The following ARHGAP32 variants were observed in gnomAD, a reference collection of about 807,000 sequenced individuals.
ARHGAP32 encodes rho GTPase-activating protein 32.
ARHGAP32 carries 51 observed loss-of-function variants against 186.5 expected under a neutral mutation model. The observed-to-expected ratio is 0.27, with a 90% CI of 0.22 to 0.35. ARHGAP32 has a LOEUF of 0.35. Among genes scored for constraint, ARHGAP32 ranks in the 10% least tolerant of loss-of-function variants. The pLI, the probability that ARHGAP32 is intolerant of heterozygous loss-of-function variation, is 1.00. For missense variants in ARHGAP32, 2,186 were observed against 2,623.5 expected, an observed-to-expected ratio of 0.83 and a Z score of 3.64; for synonymous variants, 950 against 964.3, an observed-to-expected ratio of 0.99 and a Z score of 0.27.
upstream of ARHGAP32, among the ~76,000 whole-genome samples, chr11:129,194,263 CAAGTAG>C (rs1181859999): frequency 6.6e-6 from 1 of 152,038 alleles, no homozygotes; most frequent in Non-Finnish European, 1.5e-5. Context: ...CTCACTTTCA[CAAGTAG>C]AAGTAAGAGG....
In ARHGAP32 at chr11:128,970,600, G is replaced by A. The variant is rs1945338829; in HGVS notation, c.4613C>T (p.Ser1538Leu). The A allele has an allele frequency of 6.2e-7, 1 of 1,614,064 alleles. No homozygotes were observed. The highest frequency in any genetic ancestry group is 1.7e-5 in the Admixed American group (1 of 60,000). The change falls in exon 23 of 23, where the codon TCA becomes TTA. Residue 1538 changes from serine to leucine, a missense_variant. Coordinates refer to ENST00000682385, the MANE Select transcript of ARHGAP32 (RefSeq NM_001378024.1). This position sits in a 1 kb window ranked among gnomAD's most constrained non-coding sequence, Gnocchi z 5.8. ...LEQHQVYGAR[S>L]EPPASMGLRY... ...AAGACCCATGGAGGCTGGTGGCTCT[G>A]ACCTGGCACCATACACTTGGTGCTG...
At chr11:129,203,599 C>T (rs1944481874) in intron 1 of ARHGAP32, among the ~76,000 whole-genome samples, 1 of 150,200 alleles carries the variant, frequency 6.7e-6, no homozygotes, top group Non-Finnish European at 1.5e-5. Flanking sequence ...AATTCTTAAA[C>T]ATAATGTTGA....
chr11:129,116,007 A>G (rs996861332), intron 5 of ARHGAP32, among the ~76,000 whole-genome samples: 9 of 152,088 alleles, frequency 5.9e-5, no homozygotes, highest in African/African-American at 1.4e-4. Flanking sequence ...GGTTGTCACC[A>G]TATCACTTTA....
In ARHGAP32 at chr11:129,080,010, G is replaced by A. The variant is rs116065343; in HGVS notation, c.532-13142C>T. ...AGAACAGTTTAAAAAGACAAAGAGCGACATTATATAATGATAAAAGGACTA... is the reference window on the plus strand; with the variant it reads ...AGAACAGTTTAAAAAGACAAAGAGCAACATTATATAATGATAAAAGGACTA... On this transcript the variant is annotated intron_variant, in intron 6 of 22. Coordinates refer to ENST00000682385, the MANE Select transcript of ARHGAP32 (RefSeq NM_001378024.1). Among the ~76,000 whole-genome samples, 658 of 152,218 alleles carry A rather than the reference G, an allele frequency of 4.3e-3. 6 individuals carry two copies. The highest frequency in any genetic ancestry group is 0.015 in the African/African-American group (632 of 41,552).
At chr11:129,056,568 C>T (rs1940261215) in intron 10 of ARHGAP32, among the ~76,000 whole-genome samples, 1 of 152,086 alleles carries the variant, frequency 6.6e-6, no homozygotes, top group Non-Finnish European at 1.5e-5. Flanking sequence ...ATATTAAAAT[C>T]ACAATACCAC....
At chr11:129,228,315 A>G (rs899960343) in intron 1 of ARHGAP32, among the ~76,000 whole-genome samples, 3 of 152,200 alleles carry the variant, frequency 2.0e-5, no homozygotes, top group Non-Finnish European at 4.4e-5. Context: ...AACTGGTAAA[A>G]GAACAAACTA....
Position 129,227,231 on chromosome 11 carries a change from T to C in ARHGAP32, c.-5+51915A>G, listed in dbSNP as rs78755735. ...TTAAATTTTCAATTGTTAATTATAA[T>C]CCCCAGGGCAACCACTAACAAAATA... On this transcript the variant is annotated intron_variant, in intron 1 of 6. Coordinates refer to the ARHGAP32 transcript ENST00000525234. 4.0e-3 allele frequency among the ~76,000 whole-genome samples: 607 copies of C among 151,840 alleles called. 4 individuals carry two copies. The highest frequency in any genetic ancestry group is 0.019 in the Admixed American group (283 of 15,238).
chr11:129,179,495 G>A (rs559165260), intron 1 of ARHGAP32, among the ~76,000 whole-genome samples: 21 of 151,988 alleles, frequency 1.4e-4, no homozygotes, highest in African/African-American at 3.9e-4. Context: ...ACATGCACAC[G>A]TATGTTTATT....
At chr11:129,105,084 A>C (rs1183875083) in intron 5 of ARHGAP32, among the ~76,000 whole-genome samples, 1 of 152,230 alleles carries the variant, frequency 6.6e-6, no homozygotes, top group African/African-American at 2.4e-5. Context: ...TATGGAACTC[A>C]TTCAAGGAGG....
intron 11 of ARHGAP32, among the ~76,000 whole-genome samples, chr11:129,027,752 GTTTA>G (rs1191658128): frequency 2.0e-5 from 3 of 151,976 alleles, no homozygotes; most frequent in Non-Finnish European, 4.4e-5. Flanking sequence ...CGTCTCTCAG[GTTTA>G]TTTCTCTTCA....
At chr11:129,107,068 G>A (rs953497857) in intron 5 of ARHGAP32, among the ~76,000 whole-genome samples, 1 of 152,076 alleles carries the variant, frequency 6.6e-6, no homozygotes, top group Non-Finnish European at 1.5e-5. Context: ...CAAAAAAGAA[G>A]CAACTGGTCA....
At position 128,970,385 on chromosome 11, in the gene ARHGAP32, A is replaced by G. The variant is rs1391815708; in HGVS notation, c.4828T>C (p.Ser1610Pro). The G allele has an allele frequency of 3.1e-6, 5 of 1,614,030 alleles. No homozygotes were observed. The highest frequency in any genetic ancestry group is 4.2e-6 in the Non-Finnish European group (5 of 1,180,034). Residue 1610 changes from serine (S) to proline (P), a missense_variant, in exon 23 of 23, where the codon TCT (serine) becomes CCT (proline). By Grantham distance (74) the Ser-to-Pro change is moderately conservative (BLOSUM62 -1). Coordinates refer to ENST00000682385, the MANE Select transcript of ARHGAP32 (RefSeq NM_001378024.1). The surrounding 1 kb of genome is among the most constrained non-coding windows in gnomAD (Gnocchi z 5.8). ...LHAPPSSMIR[S>P]VPISRTEVPP... is the part of the protein sequence containing the mutation. ...ACTTCTGTCCGTGAAATGGGAACAG[A>G]GCGAATCATGGAAGACGGCGGAGCA...
At position 128,970,800 on chromosome 11, in the gene ARHGAP32, T is replaced by C. The variant is rs146104675; in HGVS notation, c.4413A>G (p.Leu1471=). The C allele has an allele frequency of 5.6e-6, 9 of 1,613,994 alleles. No individual in the cohort carries two copies. The African/African-American group carries it at 9.3e-5, about 17-fold the overall frequency. Residue 1471 remains leucine, a synonymous_variant, in exon 23 of 23, where the codon TTA becomes TTG. Coordinates refer to ENST00000682385, the MANE Select transcript of ARHGAP32 (RefSeq NM_001378024.1). This position sits in a 1 kb window ranked among gnomAD's most constrained non-coding sequence, Gnocchi z 5.8. ...GCTTAGGTTGTGGGACAGGAAGTGG[T>C]AAAGGCAATGCATCGTCCACAGAGG... is the stretch of plus-strand genomic sequence containing the variant. The part of the protein sequence containing the change: ...SSTSVDDALP[L]PLPVPQPKHA...
chr11:128,999,290 C>G (rs1270123853), intron 11 of ARHGAP32, among the ~76,000 whole-genome samples: 1 of 152,138 alleles, frequency 6.6e-6, no homozygotes, highest in African/African-American at 2.4e-5. Context: ...TGCGGTGCCC[C>G]CAGGCTTACT....
chr11:129,150,665 C>G (rs975596403), intron 2 of ARHGAP32, among the ~76,000 whole-genome samples: 2 of 152,020 alleles, frequency 1.3e-5, no homozygotes, highest in Non-Finnish European at 2.9e-5. Flanking sequence ...ACAAAAAAAT[C>G]CTGAAGCAAT....
intron 2 of ARHGAP32, among the ~76,000 whole-genome samples, chr11:129,128,909 C>T (rs1198484681): frequency 6.6e-6 from 1 of 152,172 alleles, no homozygotes; most frequent in African/African-American, 2.4e-5. Flanking sequence ...GGCTGGAGTG[C>T]AGTGGCGTGA....
chr11:129,135,051 C>T (rs894499852), intron 2 of ARHGAP32, among the ~76,000 whole-genome samples: 5 of 152,136 alleles, frequency 3.3e-5, no homozygotes, highest in African/African-American at 1.2e-4. Flanking sequence ...AAATTAAAGA[C>T]AATCTAAATA....
intron 6 of ARHGAP32, among the ~76,000 whole-genome samples, chr11:129,085,776 G>A (rs1361519015): frequency 6.6e-6 from 1 of 152,060 alleles, no homozygotes; most frequent in Non-Finnish European, 1.5e-5. Context: ...GGCTGAGACG[G>A]GCAGCAGGAG....
At position 129,268,871 on chromosome 11, in the gene ARHGAP32, C is replaced by T. The variant is rs201642858; in HGVS notation, c.-5+10275G>A. ...TCCATTTCTAAAAGTGACTCTAGCA[C>T]CTCTCTATCATCAACAAATGTTTAT... On this transcript the variant is annotated intron_variant, in intron 1 of 6. Coordinates refer to the ARHGAP32 transcript ENST00000525234. Among the ~76,000 whole-genome samples the T allele has an allele frequency of 4.7e-3, 715 of 152,230 alleles. 3 individuals are homozygous for T. Among genetic ancestry groups the T allele is most frequent in the Non-Finnish European group, 6.6e-3 (451 of 68,024 alleles).
Sources: allele counts gnomAD v4.1 joint callset (sites outside exome capture counted in the v4.1 genomes callset), GRCh38; gene constraint gnomAD v4.1.1; non-coding constraint Gnocchi (gnomAD v3.1); transcripts MANE v1.5; gene names NCBI Gene and HGNC (gene_info 2026-07-23, HGNC 2026-07-21).